PCBP3: variants seen among roughly 807,000 people sequenced by gnomAD.
PCBP3 encodes poly(rC)-binding protein 3.
In PCBP3, 25 loss-of-function variants were observed where a neutral mutation model predicts 52.7. The ratio of observed to expected loss-of-function variants is 0.47; its 90% CI spans 0.35 to 0.66. The LOEUF (loss-of-function observed/expected upper bound fraction) is 0.66, where lower values mean the gene tolerates loss of function less well. PCBP3 is among the 30% of genes least tolerant of loss of function. PCBP3 has a pLI of 0.01. For missense variants in PCBP3, 391 were observed against 490.3 expected (o/e 0.80, Z 1.91); for synonymous variants, 162 against 183.0 (o/e 0.89, Z 0.93).
At position 45,766,916 on chromosome 21, in the gene PCBP3, G is replaced by A. The variant is rs1277777479; in HGVS notation, c.-126+11464G>A. On this transcript the variant is annotated intron_variant, in intron 4 of 17. Transcript: ENST00000681687. ...CCAACACAATCAACAACAACAACAAGAGTGGTATCATTACAGTCTGTCAGA... is the reference window on the plus strand; with the variant it reads ...CCAACACAATCAACAACAACAACAAAAGTGGTATCATTACAGTCTGTCAGA... Among the ~76,000 whole-genome samples, 3 of 151,254 alleles carry A rather than the reference G, an allele frequency of 2.0e-5. No individual in the cohort carries two copies. The East Asian group carries it at 5.8e-4, about 29-fold the overall frequency.
At position 45,756,393 on chromosome 21, in the gene PCBP3, AT is replaced by A. The variant is rs142796544; in HGVS notation, c.-126+943del. On this transcript the variant is annotated intron_variant, in intron 4 of 17. Coordinates refer to ENST00000681687, the MANE Select transcript of PCBP3 (RefSeq NM_001384156.1). ...TCCTCTAATGTAGGTCTTTTTCAAA[AT>A]TGTTTTTCCTATGAAGTCCTTTGCT... Among the ~76,000 whole-genome samples the A allele has an allele frequency of 5.8e-3, 879 of 152,262 alleles. 9 individuals carry two copies. The highest frequency in any genetic ancestry group is 0.02 in the African/African-American group (848 of 41,554).
At chr21:45,679,133 G>GT (rs993019785) in intron 2 of PCBP3, among the ~76,000 whole-genome samples, 6 of 65,570 alleles carry the variant, frequency 9.2e-5, no homozygotes, top group Non-Finnish European at 1.7e-4. Context: ...TTTCTTTGTT[G>GT]TTTTTTTGAG....
intron 13 of PCBP3, among the ~76,000 whole-genome samples, chr21:45,927,082 G>C (rs1253979783): frequency 1.3e-5 from 2 of 152,056 alleles, no homozygotes; most frequent in Non-Finnish European, 2.9e-5. Context: ...CTGTGCTGGG[G>C]GCCTGTTTCT....
chr21:45,767,577 A>G (rs982102925), intron 4 of PCBP3, among the ~76,000 whole-genome samples: 1 of 152,228 alleles, frequency 6.6e-6, no homozygotes, highest in Non-Finnish European at 1.5e-5. Flanking sequence ...ACTCTGTGTT[A>G]ACTGACTGAG....
chr21:45,803,768 C>T (rs1260040335), intron 4 of PCBP3, among the ~76,000 whole-genome samples: 1 of 152,162 alleles, frequency 6.6e-6, no homozygotes, highest in Admixed American at 6.5e-5. Context: ...TTCTCCAGGA[C>T]CCAGATGGTG....
At chr21:45,672,539 C>T (rs960480989) in intron 2 of PCBP3, among the ~76,000 whole-genome samples, 1 of 151,992 alleles carries the variant, frequency 6.6e-6, no homozygotes, top group African/African-American at 2.4e-5. Context: ...GATCTATTTG[C>T]GTCTGGTAGT....
In PCBP3 at chr21:45,667,357, A is replaced by AT. The variant is rs900310607; in HGVS notation, c.-278-1507dup. Among the ~76,000 whole-genome samples the AT allele has an allele frequency of 3.8e-4, 56 of 147,222 alleles. No homozygotes were observed. In the East Asian group the frequency reaches 6.6e-3, roughly 17 times the overall value. On this transcript the variant is annotated intron_variant, in intron 1 of 17. Transcript: ENST00000681687. ...CCCACAGGGCTCTGAGTTTCAGCTC[A>AT]TTTTTTTTTTAACTTCTTTACTTTC... is the stretch of plus-strand genomic sequence containing the variant.
intron 5 of PCBP3, among the ~76,000 whole-genome samples, chr21:45,874,098 G>A (rs1385540457): frequency 1.3e-5 from 2 of 152,234 alleles, no homozygotes; most frequent in Non-Finnish European, 2.9e-5. Flanking sequence ...TAAGTGCTGG[G>A]ATCACAGGCG....
At chr21:45,728,544 A>G (rs2085228442) in intron 2 of PCBP3, 1 of 151,940 alleles carries the variant, frequency 6.6e-6, no homozygotes, top group Admixed American at 6.6e-5. Context: ...TCTTATGTGT[A>G]TTTTTCTGAT....
At position 45,913,999 on chromosome 21, in the gene PCBP3, A is replaced by T; in HGVS notation, c.649A>T (p.Thr217Ser). The change falls in exon 12 of 18, where the codon ACC becomes TCC. Residue 217 changes from threonine to serine, a missense_variant. Physicochemically the swap from Thr to Ser is moderately conservative, Grantham distance 58. Transcript: ENST00000681687. ...TIPYRPKPAS[T>S]PVIFAGGQAY... ...TCCCTACCGCCCAAAGCCCGCCTCC[A>T]CCCCTGTCATTTTTGCAGGTGGTCA... 6.2e-7 allele frequency: 1 copy of T among 1,612,534 alleles called. No homozygotes were observed. The highest frequency in any genetic ancestry group is 8.5e-7 in the Non-Finnish European group (1 of 1,179,582).
chr21:45,865,427 A>G (rs946054322), intron 5 of PCBP3, among the ~76,000 whole-genome samples: 5 of 152,218 alleles, frequency 3.3e-5, no homozygotes, highest in Admixed American at 2.0e-4. Flanking sequence ...CTTCGCTTCT[A>G]TCAGTGGAAG....
At position 45,830,431 on chromosome 21, in the gene PCBP3, G is replaced by A. The variant is rs1208809757; in HGVS notation, c.-125-19530G>A. On this transcript the variant is annotated intron_variant, in intron 4 of 17. Transcript: ENST00000681687. This position sits in a 1 kb window ranked among gnomAD's most constrained non-coding sequence, Gnocchi z 4.4. ...GCCGAGCAGTTGTGTCACTGAACGT[G>A]AAGAGGAGACCTGCCAGACTATGGA... 2 of 152,846 alleles carry A rather than the reference G, an allele frequency of 1.3e-5. No individual in the cohort carries two copies. The highest frequency in any genetic ancestry group is 2.9e-5 in the Non-Finnish European group (2 of 68,130). 9.5% of individuals were successfully genotyped at this position (152,846 alleles called of 1,614,324 possible). A position where few individuals can be genotyped will look rare whatever the true frequency, so the allele number is the denominator to read the frequency against.
intron 6 of PCBP3, among the ~76,000 whole-genome samples, chr21:45,898,424 C>T (rs2095897284): frequency 1.3e-5 from 2 of 150,198 alleles, no homozygotes; most frequent in Admixed American, 1.3e-4. Flanking sequence ...CCTCCCTCTG[C>T]ACACCGTCCT....
intron 4 of PCBP3, chr21:45,848,264 G>A (rs1048115250): frequency 1.3e-5 from 2 of 152,196 alleles, no homozygotes; most frequent in Non-Finnish European, 2.9e-5. Context: ...GTTACTTGGC[G>A]AATATTCTAT....
At chr21:45,675,144 T>C (rs1228416744) in intron 2 of PCBP3, among the ~76,000 whole-genome samples, 6 of 152,160 alleles carry the variant, frequency 3.9e-5, no homozygotes, top group Non-Finnish European at 5.9e-5. Context: ...TTGCAGGACT[T>C]ACTGAGGAGA....
chr21:45,676,649 T>C (rs1366236903), intron 2 of PCBP3, among the ~76,000 whole-genome samples: 1 of 152,238 alleles, frequency 6.6e-6, no homozygotes, highest in Non-Finnish European at 1.5e-5. Context: ...ATCTGTCTGC[T>C]TCTCTTGGGG....
At chr21:45,694,909 C>G (rs146998801) in intron 2 of PCBP3, among the ~76,000 whole-genome samples, 1 of 152,126 alleles carries the variant, frequency 6.6e-6, no homozygotes, top group Non-Finnish European at 1.5e-5. Flanking sequence ...TAAAACACCA[C>G]GATCGAAATT....
intron 4 of PCBP3, among the ~76,000 whole-genome samples, chr21:45,833,152 G>A (rs1198654763): frequency 2.6e-5 from 4 of 152,326 alleles, no homozygotes; most frequent in East Asian, 3.9e-4. Context: ...TCCAGCAGAC[G>A]GAGACACGGC....
At chr21:45,683,967 T>G (rs918308480) in intron 2 of PCBP3, among the ~76,000 whole-genome samples, 1 of 147,748 alleles carries the variant, frequency 6.8e-6, no homozygotes, top group African/African-American at 2.5e-5. Context: ...CTGGGCATGG[T>G]GGCTCATACC....
Sources: gnomAD v4.1 joint callset for allele counts (sites outside exome capture counted in the v4.1 genomes callset) on GRCh38, gnomAD v4.1.1 for gene constraint, Gnocchi (gnomAD v3.1) non-coding constraint, MANE v1.5 for transcripts, NCBI Gene and HGNC (gene_info 2026-07-23, HGNC 2026-07-21) for gene names.